The following EXTL1 variants were observed in gnomAD, a reference collection of about 807,000 sequenced individuals.
The protein encoded by EXTL1 is exostosin like glycosyltransferase 1, also known as exostosin-like 1.
EXTL1 carries 43 observed loss-of-function variants against 64.6 expected under a neutral mutation model. The ratio of observed to expected loss-of-function variants is 0.67; its 90% CI spans 0.52 to 0.86. The LOEUF (loss-of-function observed/expected upper bound fraction) is 0.86, where lower values mean the gene tolerates loss of function less well. Among genes scored for constraint, EXTL1 ranks in the 40% least tolerant of loss-of-function variants. The probability of loss-of-function intolerance (pLI) is 0.00; values close to 1 mark genes in which losing one functional copy is unlikely to be tolerated. For missense variants in EXTL1, 766 were observed against 879.0 expected, an observed-to-expected ratio of 0.87 and a Z score of 1.62; for synonymous variants, 352 against 360.5, an observed-to-expected ratio of 0.98 and a Z score of 0.27.
chr1:26,031,312 G>A (rs1429577543), intron 5 of EXTL1, 48 bp downstream of exon 5: 4 of 1,598,052 alleles, frequency 2.5e-6, no homozygotes, highest in South Asian at 2.2e-5. Flanking sequence ...GCTCTACCCA[G>A]GGCTGCCCCA....
rs2050210010 is a variant in EXTL1, at chr1:26,025,883, C to A, written c.779+2458C>A. Among the ~76,000 whole-genome samples the A allele has an allele frequency of 6.6e-6, 1 of 152,154 alleles. No individual in the cohort carries two copies. The highest frequency in any genetic ancestry group is 1.5e-5 in the Non-Finnish European group (1 of 68,024). Reference sequence around the variant, plus strand: ...GAGGCATGCTTCAAAGTCCCCCAGGCTGTATCCATTGGGAACAAGGGGCAC... The same window carrying A: ...GAGGCATGCTTCAAAGTCCCCCAGGATGTATCCATTGGGAACAAGGGGCAC... On this transcript the variant is annotated intron_variant, in intron 1 of 10. Coordinates refer to ENST00000374280, the MANE Select transcript of EXTL1 (RefSeq NM_004455.3). The surrounding 1 kb of genome is among the most constrained non-coding windows in gnomAD (Gnocchi z 5.3).
In EXTL1 at chr1:26,034,832, C is replaced by T; in HGVS notation, c.1680-4C>T. ...GCCTCTCCCTGTCTTTTCCTCTTGC[C>T]CAGGTATTACCACACTCTCTTCACC... On this transcript the variant is annotated splice_polypyrimidine_tract_variant and splice_region_variant and intron_variant, in intron 9 of 10. Coordinates refer to ENST00000374280, the MANE Select transcript of EXTL1 (RefSeq NM_004455.3). The surrounding 1 kb of genome is among the most constrained non-coding windows in gnomAD (Gnocchi z 4.6). 6.2e-7 allele frequency: 1 copy of T among 1,611,774 alleles called. No homozygotes were observed. Among genetic ancestry groups the T allele is most frequent in the Non-Finnish European group, 8.5e-7 (1 of 1,178,192 alleles).
rs1370405311 is a variant in EXTL1 at position 26,035,448 on chromosome 1, C to T, written c.*101C>T. On this transcript the variant is annotated 3_prime_UTR_variant, in exon 11 of 11. Transcript: ENST00000374280. This position sits in a 1 kb window ranked among gnomAD's most constrained non-coding sequence, Gnocchi z 5.3. ...GCTCTTGGGACACCGGAGAACCTATCATGTCAGCCAGCGGGCCCACACGTC... is the reference window on the plus strand; with the variant it reads ...GCTCTTGGGACACCGGAGAACCTATTATGTCAGCCAGCGGGCCCACACGTC... The T allele has an allele frequency of 8.8e-7, 1 of 1,132,490 alleles. No individual in the cohort carries two copies. Among genetic ancestry groups the T allele is most frequent in the African/African-American group, 1.6e-5 (1 of 63,994 alleles). 70.2% of individuals were successfully genotyped at this position (1,132,490 alleles called of 1,614,324 possible). A position where few individuals can be genotyped will look rare whatever the true frequency, so the allele number is the denominator to read the frequency against.
Position 26,029,585 on chromosome 1 carries a change from C to T in EXTL1, c.874-15C>T. 6.5e-7 allele frequency: 1 copy of T among 1,535,494 alleles called. No homozygotes were observed. Among genetic ancestry groups the T allele is most frequent in the Non-Finnish European group, 8.9e-7 (1 of 1,118,286 alleles). On this transcript the variant is annotated splice_polypyrimidine_tract_variant and intron_variant, in intron 2 of 10. Transcript: ENST00000374280. ...GGGTGGGGCTGGGCTCCCCAGTGAC[C>T]TCCCCGCCCCCCAGGCCGGCTGCAT... is the stretch of plus-strand genomic sequence containing the variant.
rs746237976 is a variant in EXTL1, at chr1:26,023,393, T to C, written c.747T>C (p.Asp249=). ...CTGGCTCCTCTGCCTGCCCCTGGGA[T>C]GGGCGCTGTGAGCAAGACCCTGGAC... is the stretch of plus-strand genomic sequence containing the variant. ...ADTGSSACPW[D]GRCEQDPGPG... is the part of the protein sequence containing the mutation. Residue 249 remains aspartate, a synonymous_variant, in exon 1 of 11, where the codon GAT becomes GAC. Coordinates refer to ENST00000374280, the MANE Select transcript of EXTL1 (RefSeq NM_004455.3). The C allele has an allele frequency of 4.8e-6, 7 of 1,454,398 alleles. No individual in the cohort carries two copies. Among genetic ancestry groups the C allele is most frequent in the Non-Finnish European group, 6.4e-6 (7 of 1,100,026 alleles). 90.1% of individuals were successfully genotyped at this position (1,454,398 alleles called of 1,614,324 possible).
In EXTL1 at chr1:26,035,906, T is replaced by A. The variant is rs920194465; in HGVS notation, c.*559T>A. On this transcript the variant is annotated 3_prime_UTR_variant, in exon 11 of 11. Transcript: ENST00000374280. The surrounding 1 kb of genome is among the most constrained non-coding windows in gnomAD (Gnocchi z 5.3). ...CAGGGTGAGCGGAGAGACAGAACTG[T>A]CCCCGCCCCACCCCGCCACCCATTC... 1.3e-5 allele frequency: 2 copies of A among 152,312 alleles called. No individual in the cohort carries two copies. Among genetic ancestry groups the A allele is most frequent in the African/African-American group, 4.8e-5 (2 of 41,408 alleles). The allele number at this position is 152,312 out of a possible 1,614,324, so 9.4% of individuals were successfully genotyped here. A position where few individuals can be genotyped will look rare whatever the true frequency, so the allele number is the denominator to read the frequency against.
chr1:26,023,366 C>T lies in EXTL1; in HGVS notation c.720C>T (p.Asp240=). The T allele has an allele frequency of 1.4e-6, 2 of 1,471,498 alleles. No individual in the cohort carries two copies. Among genetic ancestry groups the T allele is most frequent in the Non-Finnish European group, 1.8e-6 (2 of 1,108,848 alleles). The allele number at this position is 1,471,498 out of a possible 1,614,324, so 91.2% of individuals were successfully genotyped here. Residue 240 remains aspartate, a synonymous_variant, in exon 1 of 11, where the codon GAC becomes GAT. Transcript: ENST00000374280. ...AGAGGGGTGGGTGGCGCACAGCAGA[C>T]ACTGGCTCCTCTGCCTGCCCCTGGG... ...EEERGGWRTA[D]TGSSACPWDG...
In EXTL1 at chr1:26,035,359, G is replaced by C. The variant is rs200281696; in HGVS notation, c.*12G>C. On this transcript the variant is annotated 3_prime_UTR_variant, in exon 11 of 11. Coordinates refer to ENST00000374280, the MANE Select transcript of EXTL1 (RefSeq NM_004455.3). This position sits in a 1 kb window ranked among gnomAD's most constrained non-coding sequence, Gnocchi z 5.3. ...TGGAGAAGCCCTAGGGGGGCGACCCGCGGAGACCCCAGCAGAGGTCGCAGC... is the reference window on the plus strand; with the variant it reads ...TGGAGAAGCCCTAGGGGGGCGACCCCCGGAGACCCCAGCAGAGGTCGCAGC... 3.8e-5 allele frequency: 61 copies of C among 1,594,010 alleles called. No individual in the cohort carries two copies. The Middle Eastern group carries it at 6.1e-4, about 16-fold the overall frequency.
At position 26,035,348 on chromosome 1, in the gene EXTL1, G is replaced by C. The variant is rs148385044; in HGVS notation, c.*1G>C. ...GTACCGCAGCCTGGAGAAGCCCTAGGGGGGCGACCCGCGGAGACCCCAGCA... is the reference window on the plus strand; with the variant it reads ...GTACCGCAGCCTGGAGAAGCCCTAGCGGGGCGACCCGCGGAGACCCCAGCA... On this transcript the variant is annotated 3_prime_UTR_variant, in exon 11 of 11. Transcript: ENST00000374280. The surrounding 1 kb of genome is among the most constrained non-coding windows in gnomAD (Gnocchi z 5.3). 23 of 1,599,820 alleles carry C rather than the reference G, an allele frequency of 1.4e-5. No homozygotes were observed. In the African/African-American group the frequency reaches 2.3e-4, roughly 16 times the overall value.
In EXTL1 at chr1:26,033,243, C is replaced by A. The variant is rs1194274973; in HGVS notation, c.1446C>A (p.Phe482Leu). 1 of 1,613,670 alleles carries A rather than the reference C, an allele frequency of 6.2e-7. No homozygotes were observed. Among genetic ancestry groups the A allele is most frequent in the South Asian group, 1.1e-5 (1 of 91,078 alleles). The change falls in exon 8 of 11, where the codon TTC (phenylalanine) becomes TTA (leucine). Residue 482 changes from phenylalanine to leucine, a missense_variant. By Grantham distance (22) the Phe-to-Leu change is conservative (BLOSUM62 0). Around this residue, in one of 3 missense-constraint regions of EXTL1, gnomAD observed 571 missense variants for 647.6 expected, o/e 0.88. Transcript: ENST00000374280. This position sits in a 1 kb window ranked among gnomAD's most constrained non-coding sequence, Gnocchi z 5.1. ...IDGHRKVSDRFYPYSTIRTDA... is the reference protein window; with the variant it reads ...IDGHRKVSDRLYPYSTIRTDA... ...ACTCCCTGCAGGTTAGTGATCGCTT[C>A]TACCCATATAGCACCATCAGAACAG...
chr1:26,036,112 C>T lies in EXTL1; in HGVS notation c.*765C>T, dbSNP rs1487105942. The T allele has an allele frequency of 6.5e-6, 1 of 152,686 alleles. No individual in the cohort carries two copies. The highest frequency in any genetic ancestry group is 1.5e-5 in the Non-Finnish European group (1 of 68,070). 9.5% of individuals were successfully genotyped at this position (152,686 alleles called of 1,614,324 possible). A position where few individuals can be genotyped will look rare whatever the true frequency, so the allele number is the denominator to read the frequency against. On this transcript the variant is annotated 3_prime_UTR_variant, in exon 11 of 11. Transcript: ENST00000374280. The surrounding 1 kb of genome is among the most constrained non-coding windows in gnomAD (Gnocchi z 5.2). ...CGCGGCTCAGCCTCGGCCGTCTGCC[C>T]TGCACTACCAAGGCCGACCACTAGA...
At chr1:26,029,471 G>GA in intron 2 of EXTL1, 129 bp from the exon 3 acceptor site, 2 of 709,040 alleles carry the variant, frequency 2.8e-6, no homozygotes, top group Non-Finnish European at 5.0e-6. Flanking sequence ...TCCCCTCCCT[G>GA]AAAAATCCCA....
Position 26,033,240 on chromosome 1 carries a change from C to T in EXTL1, c.1443C>T (p.Arg481=), listed in dbSNP as rs900711566. 6.2e-7 allele frequency: 1 copy of T among 1,613,536 alleles called. No individual in the cohort carries two copies. The highest frequency in any genetic ancestry group is 8.5e-7 in the Non-Finnish European group (1 of 1,179,500). Residue 481 remains arginine, a synonymous_variant, in exon 8 of 11, where the codon CGC becomes CGT. Transcript: ENST00000374280. This position sits in a 1 kb window ranked among gnomAD's most constrained non-coding sequence, Gnocchi z 5.1. ...CCCACTCCCTGCAGGTTAGTGATCG[C>T]TTCTACCCATATAGCACCATCAGAA... ...VIDGHRKVSD[R]FYPYSTIRTD...
In EXTL1 at chr1:26,035,657, T is replaced by A. The variant is rs997576364; in HGVS notation, c.*310T>A. 2.0e-5 allele frequency: 6 copies of A among 296,256 alleles called. No homozygotes were observed. Among genetic ancestry groups the A allele is most frequent in the African/African-American group, 1.3e-4 (6 of 46,326 alleles). 18.4% of individuals were successfully genotyped at this position (296,256 alleles called of 1,614,324 possible). On this transcript the variant is annotated 3_prime_UTR_variant, in exon 11 of 11. Transcript: ENST00000374280. This position sits in a 1 kb window ranked among gnomAD's most constrained non-coding sequence, Gnocchi z 5.3. ...CCTCCAGGGACTTGCCTGGCCCTCCTCCCCCTCCGCCCCCAATGGGTTCGG... is the reference window on the plus strand; with the variant it reads ...CCTCCAGGGACTTGCCTGGCCCTCCACCCCCTCCGCCCCCAATGGGTTCGG...
chr1:26,032,586 T>A, intron 7 of EXTL1, 101 bp downstream of exon 7: 1 of 804,876 alleles, frequency 1.2e-6, no homozygotes, highest in Non-Finnish European at 2.0e-6. Context: ...GAGCCGCAGT[T>A]GGGCCTGAAG....
At position 26,033,219 on chromosome 1, in the gene EXTL1, C is replaced by A; in HGVS notation, c.1432-10C>A. ...CCAATGGCTGAGTTCCCCTCCCCCA[C>A]TCCCTGCAGGTTAGTGATCGCTTCT... On this transcript the variant is annotated splice_polypyrimidine_tract_variant and intron_variant, in intron 7 of 10. Transcript: ENST00000374280. This position sits in a 1 kb window ranked among gnomAD's most constrained non-coding sequence, Gnocchi z 5.1. 6.2e-7 allele frequency: 1 copy of A among 1,605,982 alleles called. No homozygotes were observed. The highest frequency in any genetic ancestry group is 1.3e-5 in the African/African-American group (1 of 74,852).
Position 26,033,907 on chromosome 1 carries a change from C to T in EXTL1, c.1679+51C>T. ...ATCAGAGTATCAGAGGACCAGAGAC[C>T]CCACCCCCACCCCGAACGGAGCAGA... On this transcript the variant is annotated intron_variant, in intron 9 of 10. Transcript: ENST00000374280. The surrounding 1 kb of genome is among the most constrained non-coding windows in gnomAD (Gnocchi z 5.1). 1 of 1,527,006 alleles carries T rather than the reference C, an allele frequency of 6.5e-7. No homozygotes were observed. The highest frequency in any genetic ancestry group is 8.9e-7 in the Non-Finnish European group (1 of 1,128,844). 94.6% of individuals were successfully genotyped at this position (1,527,006 alleles called of 1,614,324 possible).
Position 26,031,411 on chromosome 1 carries a change from T to C in EXTL1, c.1235-49T>C. The C allele has an allele frequency of 2.9e-6, 4 of 1,365,372 alleles. No homozygotes were observed. In the East Asian group the frequency reaches 9.9e-5, roughly 34 times the overall value. The allele number at this position is 1,365,372 out of a possible 1,614,324, so 84.6% of individuals were successfully genotyped here. On this transcript the variant is annotated intron_variant, in intron 5 of 10. Transcript: ENST00000374280. ...GATTCCCTACTCAGGTCATTCTTCA[T>C]GGGGTTCTGTTCCCTCCCACTCTAA...
In EXTL1 at chr1:26,023,407, A is replaced by C. The variant is rs1317444944; in HGVS notation, c.761A>C (p.Gln254Pro). ...SACPWDGRCE[Q>P]DPGPGQTQRQ... is the part of the protein sequence containing the mutation. Reference sequence around the variant, plus strand: ...TGCCCCTGGGATGGGCGCTGTGAGCAAGACCCTGGACCTGGGCAGTAAGTG... The same window carrying C: ...TGCCCCTGGGATGGGCGCTGTGAGCCAGACCCTGGACCTGGGCAGTAAGTG... The change falls in exon 1 of 11, where the codon CAA becomes CCA. Residue 254 changes from glutamine (Q) to proline (P), a missense_variant. Gln to Pro is a moderately conservative substitution (Grantham distance 76). This residue lies in a region of EXTL1 where 571 missense variants were observed against 647.6 expected (regional missense o/e 0.88). Transcript: ENST00000374280. 6.9e-7 allele frequency: 1 copy of C among 1,450,240 alleles called. No individual in the cohort carries two copies. The highest frequency in any genetic ancestry group is 9.1e-7 in the Non-Finnish European group (1 of 1,097,870). The allele number at this position is 1,450,240 out of a possible 1,614,324, so 89.8% of individuals were successfully genotyped here.
Sources: gnomAD v4.1 joint callset for allele counts (sites outside exome capture counted in the v4.1 genomes callset) on GRCh38, gnomAD v4.1.1 for gene constraint, gnomAD v4.1.1 regional missense constraint, Gnocchi (gnomAD v3.1) non-coding constraint, MANE v1.5 for transcripts, NCBI Gene and HGNC (gene_info 2026-07-23, HGNC 2026-07-21) for gene names.